Variants in ACKR2 observed in about 807,000 individuals in gnomAD.
The protein encoded by ACKR2 is C-C chemokine receptor D6.
For missense variants in ACKR2, 457 were observed against 477.3 expected (o/e 0.96, Z 0.40); for synonymous variants, 207 against 192.2 (o/e 1.08, Z -0.64).
chr3:42,837,804 A>G (rs1186753805), intron 2 of ACKR2, among the ~76,000 whole-genome samples: 2 of 152,222 alleles, frequency 1.3e-5, no homozygotes, highest in African/African-American at 4.8e-5. Context: ...GCTGTAGGCA[A>G]TACATCTATA....
At chr3:42,830,292 T>A (rs866519337) in intron 2 of ACKR2, among the ~76,000 whole-genome samples, 44 of 152,268 alleles carry the variant, frequency 2.9e-4, no homozygotes, top group African/African-American at 5.1e-4. Flanking sequence ...AATTTTTTTT[T>A]AAAATAGAGA....
intron 2 of ACKR2, among the ~76,000 whole-genome samples, chr3:42,820,984 A>G (rs895681948): frequency 6.6e-6 from 1 of 151,844 alleles, no homozygotes; most frequent in African/African-American, 2.4e-5. Flanking sequence ...TCCCAGGTTC[A>G]AGTGATTCTC....
At chr3:42,860,785 G>C (rs1400317356) in intron 2 of ACKR2, among the ~76,000 whole-genome samples, 2 of 152,090 alleles carry the variant, frequency 1.3e-5, no homozygotes, top group African/African-American at 4.8e-5. Flanking sequence ...TGAAGTGAAG[G>C]CAGAAATAAA....
At chr3:42,851,280 A>AT (rs1189333256) in intron 2 of ACKR2, 35 of 867,264 alleles carry the variant, frequency 4.0e-5, no homozygotes, top group South Asian at 1.1e-4. Context: ...GGGCAAAGGG[A>AT]TTTTTTTTAT....
intron 2 of ACKR2, among the ~76,000 whole-genome samples, chr3:42,829,648 G>A (rs1256242546): frequency 6.6e-6 from 1 of 152,144 alleles, no homozygotes; most frequent in Non-Finnish European, 1.5e-5. Context: ...GGGACCCTGT[G>A]GCCTAAAGAG....
chr3:42,860,163 G>GC (rs2088367192), intron 2 of ACKR2, among the ~76,000 whole-genome samples: 1 of 4,930 alleles, frequency 2.0e-4, no homozygotes, highest in Non-Finnish European at 4.5e-4. Flanking sequence ...CAAATGGAAA[G>GC]CAAAAAAAAA....
intron 2 of ACKR2, among the ~76,000 whole-genome samples, chr3:42,820,105 G>A (rs1700794834): frequency 6.6e-6 from 1 of 152,300 alleles, no homozygotes; most frequent in African/African-American, 2.4e-5. Flanking sequence ...ATAAATTGAG[G>A]ACTCATAAAT....
At chr3:42,841,868 G>T (rs1381426165) in intron 2 of ACKR2, 1 of 152,212 alleles carries the variant, frequency 6.6e-6, no homozygotes. Context: ...ACTGGGATGG[G>T]CAGCTTTAGA....
In ACKR2 at chr3:42,866,177, C is replaced by CTTTTTTTTTTTTTTTT. The variant is rs59894863; in HGVS notation, c.*521_*536dup. ...TTTTTTTTCTTTCTTTCTTTCTTTT[C>CTTTTTTTTTTTTTTTT]TTTTTTTTTTTTTTTTGAGACGGAG... is the stretch of plus-strand genomic sequence containing the variant. On this transcript the variant is annotated 3_prime_UTR_variant, in exon 3 of 3. Coordinates refer to ENST00000422265, the MANE Select transcript of ACKR2 (RefSeq NM_001296.5). 9 of 122,044 alleles carry CTTTTTTTTTTTTTTTT rather than the reference C, an allele frequency of 7.4e-5. No individual in the cohort carries two copies. Among genetic ancestry groups the CTTTTTTTTTTTTTTTT allele is most frequent in the Non-Finnish European group, 9.9e-5 (6 of 60,720 alleles). The allele number at this position is 122,044 out of a possible 1,614,324, so 7.6% of individuals were successfully genotyped here. A position where few individuals can be genotyped will look rare whatever the true frequency, so the allele number is the denominator to read the frequency against.
chr3:42,863,051 T>G (rs1281554148), intron 2 of ACKR2, among the ~76,000 whole-genome samples: 1 of 152,184 alleles, frequency 6.6e-6, no homozygotes, highest in African/African-American at 2.4e-5. Context: ...CAAAATAAAC[T>G]ATCATCAGAG....
intron 2 of ACKR2, among the ~76,000 whole-genome samples, chr3:42,833,345 T>C (rs1411106595): frequency 4.6e-5 from 7 of 152,066 alleles, no homozygotes; most frequent in African/African-American, 1.7e-4. Context: ...TGAGATATTT[T>C]GTTTATTTTT....
intron 2 of ACKR2, among the ~76,000 whole-genome samples, chr3:42,849,598 G>A (rs546786059): frequency 6.6e-6 from 1 of 152,326 alleles, no homozygotes; most frequent in South Asian, 2.1e-4. Flanking sequence ...AGAAACTTGG[G>A]TGCTGCTGCA....
chr3:42,856,428 T>G, intron 2 of ACKR2: 2 of 702,502 alleles, frequency 2.8e-6, no homozygotes, highest in South Asian at 3.0e-5. Flanking sequence ...ATAGATACTT[T>G]GGGTCAACTG....
At chr3:42,828,087 TA>T (rs1189843628) in intron 2 of ACKR2, among the ~76,000 whole-genome samples, 60 of 96,888 alleles carry the variant, frequency 6.2e-4, no homozygotes, top group African/African-American at 2.2e-3. Flanking sequence ...TATATATATA[TA>T]TATATTTTTT....
chr3:42,857,641 C>T (rs1490322068), intron 2 of ACKR2, among the ~76,000 whole-genome samples: 1 of 152,116 alleles, frequency 6.6e-6, no homozygotes, highest in African/African-American at 2.4e-5. Flanking sequence ...TGGATCACAC[C>T]TTTCTGCTGC....
intron 1 of ACKR2, among the ~76,000 whole-genome samples, chr3:42,818,296 C>G (rs1476424715): frequency 6.6e-6 from 1 of 152,210 alleles, no homozygotes; most frequent in African/African-American, 2.4e-5. Context: ...TCCCATTCAC[C>G]AAACATGAAA....
chr3:42,846,074 T>G (rs1311362002), intron 2 of ACKR2, among the ~76,000 whole-genome samples: 4 of 152,100 alleles, frequency 2.6e-5, no homozygotes, highest in Non-Finnish European at 1.5e-5. Context: ...TGCCTGATTT[T>G]CCTCATTATA....
At chr3:42,854,855 CTTTT>C (rs1207262721) in intron 2 of ACKR2, among the ~76,000 whole-genome samples, 1 of 133,852 alleles carries the variant, frequency 7.5e-6, no homozygotes. Context: ...TCATACCTTT[CTTTT>C]TTTTTTTTTT....
intron 2 of ACKR2, among the ~76,000 whole-genome samples, chr3:42,828,659 A>G (rs1700897736): frequency 6.6e-6 from 1 of 152,200 alleles, no homozygotes; most frequent in Admixed American, 6.5e-5. Flanking sequence ...CGGCGAATTT[A>G]TCTCACATGC....
Sources: allele counts gnomAD v4.1 joint callset (sites outside exome capture counted in the v4.1 genomes callset), GRCh38; gene constraint gnomAD v4.1.1; transcripts MANE v1.5; gene names NCBI Gene and HGNC (gene_info 2026-07-23, HGNC 2026-07-21).